FBXL17: variants seen among roughly 807,000 people sequenced by gnomAD.
FBXL17 encodes F-box and leucine rich repeat protein 17.
Under a neutral mutation model 66.2 loss-of-function variants are expected in FBXL17, and 22 were observed. The ratio of observed to expected loss-of-function variants is 0.33; its 90% CI spans 0.24 to 0.47. FBXL17 has a LOEUF of 0.47. Among genes scored for constraint, FBXL17 ranks in the 20% least tolerant of loss-of-function variants. The pLI is 1.00. For missense variants in FBXL17, 878 were observed against 948.2 expected, an observed-to-expected ratio of 0.93 and a Z score of 0.97; for synonymous variants, 474 against 400.5, an observed-to-expected ratio of 1.18 and a Z score of -2.19.
intron 4 of FBXL17, among the ~76,000 whole-genome samples, chr5:108,244,869 T>C (rs1756022605): frequency 6.6e-6 from 1 of 152,150 alleles, no homozygotes; most frequent in African/African-American, 2.4e-5. Context: ...TTGCAATATA[T>C]TTAAAATTAT....
intron 6 of FBXL17, among the ~76,000 whole-genome samples, chr5:108,154,898 A>C (rs1751936757): frequency 6.6e-6 from 1 of 151,812 alleles, no homozygotes. Context: ...AATGAAGTCA[A>C]GAAACGGGAT....
intron 6 of FBXL17, among the ~76,000 whole-genome samples, chr5:108,064,033 T>C (rs1265425913): frequency 2.6e-5 from 4 of 152,176 alleles, no homozygotes; most frequent in African/African-American, 9.7e-5. Context: ...AATGATGTGG[T>C]ATGTTTGCAT....
chr5:108,381,581 G>T lies in FBXL17; in HGVS notation c.111C>A (p.Thr37=). The T allele has an allele frequency of 2.1e-6, 3 of 1,452,402 alleles. No individual in the cohort carries two copies. Among genetic ancestry groups the T allele is most frequent in the South Asian group, 2.7e-5 (2 of 73,244 alleles). 90.0% of individuals were successfully genotyped at this position (1,452,402 alleles called of 1,614,324 possible). Residue 37 remains threonine, a synonymous_variant, in exon 1 of 9, where the codon ACC becomes ACA. Coordinates refer to ENST00000542267, the MANE Select transcript of FBXL17 (RefSeq NM_001163315.3). ...CCGGCTGAGGGGGCACCTTGGCTGG[G>T]GTCCGGCGGGGCAGCCTGAGGAGAG... ...RRPLLRLPRR[T]PAKVPPQPAA...
intron 5 of FBXL17, among the ~76,000 whole-genome samples, chr5:108,212,713 A>G (rs1323367249): frequency 6.6e-6 from 1 of 152,186 alleles, no homozygotes; most frequent in African/African-American, 2.4e-5. Context: ...CACCTGCCAG[A>G]TGCCAGCCAG....
intron 7 of FBXL17, among the ~76,000 whole-genome samples, chr5:107,989,080 T>A (rs1753129170): frequency 6.6e-6 from 1 of 152,078 alleles, no homozygotes; most frequent in African/African-American, 2.4e-5. Context: ...TGTGTAATGA[T>A]TAAGTCATGG....
intron 8 of FBXL17, among the ~76,000 whole-genome samples, chr5:107,871,818 A>G (rs142570159): frequency 0.014 from 2,113 of 152,288 alleles, 30 homozygotes; most frequent in Non-Finnish European, 0.024. Flanking sequence ...GTAAGTGGTA[A>G]GTGCAATGTA....
intron 7 of FBXL17, among the ~76,000 whole-genome samples, chr5:108,014,386 C>A (rs535332770): frequency 1.3e-5 from 2 of 152,136 alleles, no homozygotes; most frequent in South Asian, 4.2e-4. Context: ...AAAACAGGTT[C>A]ATTTGTCTTT....
At chr5:108,002,542 A>C (rs907274455) in intron 7 of FBXL17, among the ~76,000 whole-genome samples, 2 of 152,178 alleles carry the variant, frequency 1.3e-5, no homozygotes, top group Non-Finnish European at 2.9e-5. Flanking sequence ...ACCTAAGATA[A>C]ATGAGAACAC....
At chr5:108,278,968 A>C (rs1757595319) in intron 4 of FBXL17, among the ~76,000 whole-genome samples, 1 of 152,166 alleles carries the variant, frequency 6.6e-6, no homozygotes, top group Admixed American at 6.5e-5. Flanking sequence ...GGTACATTGA[A>C]GCACTCCTCT....
In FBXL17 at chr5:107,860,428, C is replaced by T. The variant is rs1748089946; in HGVS notation, c.*1292G>A. On this transcript the variant is annotated 3_prime_UTR_variant, in exon 9 of 9. Transcript: ENST00000542267. ...CAGGAACAGTTATTTGAGCCTGAGT[C>T]CCTATTATGAATTAATTGTAAAGAT... 1 of 152,610 alleles carries T rather than the reference C, an allele frequency of 6.6e-6. No individual in the cohort carries two copies. Among genetic ancestry groups the T allele is most frequent in the South Asian group, 2.1e-4 (1 of 4,832 alleles). 9.5% of individuals were successfully genotyped at this position (152,610 alleles called of 1,614,324 possible). A position where few individuals can be genotyped will look rare whatever the true frequency, so the allele number is the denominator to read the frequency against.
chr5:108,368,642 T>A (rs916385382), intron 1 of FBXL17, among the ~76,000 whole-genome samples: 6 of 152,098 alleles, frequency 3.9e-5, no homozygotes, highest in Admixed American at 1.3e-4. Context: ...TCCAGTTAGA[T>A]CCTGGGACAG....
At chr5:107,926,511 G>A (rs1050700891) in intron 7 of FBXL17, among the ~76,000 whole-genome samples, 6 of 151,188 alleles carry the variant, frequency 4.0e-5, no homozygotes, top group East Asian at 1.9e-4. Context: ...GTAAATTCAC[G>A]TTTCTGCCCT....
In FBXL17 at chr5:108,177,401, T is replaced by G. The variant is rs77235575; in HGVS notation, c.1745+8716A>C. Among the ~76,000 whole-genome samples, 882 of 152,316 alleles carry G rather than the reference T, an allele frequency of 5.8e-3. 26 individuals are homozygous for G. In the East Asian group the frequency reaches 0.1, roughly 17 times the overall value. ...TAAAATATTCAAACATGTCACCTTT[T>G]AGATATCCCATATGGAAAAGCAAAG... On this transcript the variant is annotated intron_variant, in intron 6 of 8. Transcript: ENST00000542267.
intron 5 of FBXL17, among the ~76,000 whole-genome samples, chr5:108,212,132 C>T (rs2922415): frequency 5.9e-5 from 9 of 151,874 alleles, no homozygotes; most frequent in Non-Finnish European, 1.2e-4. Context: ...TTGAAACTTG[C>T]GTATGCTTCA....
intron 4 of FBXL17, among the ~76,000 whole-genome samples, chr5:108,228,413 C>A (rs977208926): frequency 6.6e-6 from 1 of 152,150 alleles, no homozygotes; most frequent in African/African-American, 2.4e-5. Context: ...GTCTCACTGT[C>A]TAGCTTCAAA....
At chr5:108,213,357 T>C (rs185283854) in intron 5 of FBXL17, among the ~76,000 whole-genome samples, 1 of 152,324 alleles carries the variant, frequency 6.6e-6, no homozygotes, top group African/African-American at 2.4e-5. Context: ...AAAGAACTCC[T>C]GCAGTTAGTT....
chr5:107,863,968 C>G (rs1187549019), intron 8 of FBXL17, among the ~76,000 whole-genome samples: 1 of 152,350 alleles, frequency 6.6e-6, no homozygotes, highest in East Asian at 1.9e-4. Flanking sequence ...ACTTGCCTAT[C>G]TCTTCCACCT....
intron 6 of FBXL17, among the ~76,000 whole-genome samples, chr5:108,163,399 C>CTTTTTTTTTTTTTTTTT (rs764052812): frequency 7.7e-6 from 1 of 129,558 alleles, no homozygotes; most frequent in Non-Finnish European, 1.6e-5. Flanking sequence ...TTTTTTTTTT[C>CTTTTTTTTTTTTTTTTT]TTTTTTTTTT....
At chr5:108,126,458 T>A (rs1317786668) in intron 6 of FBXL17, among the ~76,000 whole-genome samples, 3 of 151,952 alleles carry the variant, frequency 2.0e-5, no homozygotes, top group African/African-American at 7.2e-5. Flanking sequence ...TCAGACTATA[T>A]TTACTTCAGA....
Sources: gnomAD v4.1 joint callset for allele counts (sites outside exome capture counted in the v4.1 genomes callset) on GRCh38, gnomAD v4.1.1 for gene constraint, MANE v1.5 for transcripts, NCBI Gene and HGNC (gene_info 2026-07-23, HGNC 2026-07-21) for gene names.